The following DYRK4 variants were observed in gnomAD, a reference collection of about 807,000 sequenced individuals.
DYRK4 encodes the protein dual specificity tyrosine phosphorylation regulated kinase 4, also known as dual specificity tyrosine-phosphorylation-regulated kinase 4.
Under a neutral mutation model 68.3 loss-of-function variants are expected in DYRK4, and 64 were observed. That is an observed-to-expected ratio of 0.94 (90% CI 0.77 to 1.15). The LOEUF (loss-of-function observed/expected upper bound fraction) is 1.15, where lower values mean the gene tolerates loss of function less well. DYRK4 is among the 50% of genes most tolerant of loss of function. DYRK4 has a pLI of 0.00. For synonymous variants in DYRK4, 274 were observed against 289.9 expected (o/e 0.95, Z 0.56); for missense variants, 740 against 764.7 (o/e 0.97, Z 0.38).
intron 2 of DYRK4, among the ~76,000 whole-genome samples, chr12:4,583,242 A>G (rs1318558866): frequency 6.6e-6 from 1 of 151,764 alleles, no homozygotes; most frequent in African/African-American, 2.4e-5. Context: ...CTCAGCTTCT[A>G]CCCCTGCCTT....
chr12:4,591,293 CGGCAGG>C lies in DYRK4; in HGVS notation c.459_463+1del, dbSNP rs1478275738. 5.0e-6 allele frequency: 8 copies of C among 1,613,726 alleles called. No homozygotes were observed. The highest frequency in any genetic ancestry group is 6.8e-6 in the Non-Finnish European group (8 of 1,179,894). ...AAGAAGCAAAAGGTGACTCTGACAG[CGGCAGG>C]TATGCCTTTGGGGCAGTAGCAGGGT... On this transcript the variant is annotated splice_donor_variant and coding_sequence_variant, in exon 5 of 15. Transcript: ENST00000543431. LOFTEE classifies it high-confidence loss of function. This position sits in a 1 kb window ranked among gnomAD's most constrained non-coding sequence, Gnocchi z 4.1.
At position 4,596,288 on chromosome 12, in the gene DYRK4, G is replaced by A. The variant is rs777590086; in HGVS notation, c.764+3G>A. 27 of 1,614,078 alleles carry A rather than the reference G, an allele frequency of 1.7e-5. No individual in the cohort carries two copies. In the South Asian group the frequency reaches 2.5e-4, roughly 15 times the overall value. On this transcript the variant is annotated splice_donor_region_variant and intron_variant, in intron 7 of 14. Transcript: ENST00000543431. ...AAAATCATCAGGAACAAGAAGAGGT[G>A]TGGCTTGGGGATGACATAGGCCACA...
rs1591797380 is a variant in DYRK4, at chr12:4,591,114, G to C, written c.325-46G>C. The C allele has an allele frequency of 6.2e-7, 1 of 1,600,974 alleles. No homozygotes were observed. The highest frequency in any genetic ancestry group is 8.5e-7 in the Non-Finnish European group (1 of 1,173,378). On this transcript the variant is annotated intron_variant, in intron 4 of 14. Coordinates refer to ENST00000543431, the MANE Select transcript of DYRK4 (RefSeq NM_001394779.1). This position sits in a 1 kb window ranked among gnomAD's most constrained non-coding sequence, Gnocchi z 4.1. ...TAAATAAATGGTTTATGGCCCCCAG[G>C]AGAGTCCTAAGTAGTTATTTATTGC...
intron 2 of DYRK4, among the ~76,000 whole-genome samples, chr12:4,569,039 A>G (rs982645514): frequency 1.3e-5 from 2 of 152,106 alleles, no homozygotes; most frequent in African/African-American, 4.8e-5. Flanking sequence ...CCTCCTATAA[A>G]TCACATATAT....
At chr12:4,593,307 A>T in intron 6 of DYRK4, 142 bp downstream of exon 6, 1 of 932,270 alleles carries the variant, frequency 1.1e-6, no homozygotes, top group Non-Finnish European at 1.5e-6. Flanking sequence ...GGTAGTGCCA[A>T]ACCAAGGAAA....
intron 8 of DYRK4, chr12:4,597,105 A>G: frequency 9.2e-7 from 1 of 1,083,254 alleles, no homozygotes; most frequent in Non-Finnish European, 1.1e-6. Context: ...CTGAAACCCA[A>G]AGGAACAGGC....
At chr12:4,565,862 C>T (rs1591781531) in intron 1 of DYRK4, among the ~76,000 whole-genome samples, 1 of 152,266 alleles carries the variant, frequency 6.6e-6, no homozygotes, top group East Asian at 1.9e-4. Flanking sequence ...TTCCTGACCT[C>T]AGATGATCCA....
At chr12:4,566,985 C>G (rs1490427532) in intron 1 of DYRK4, among the ~76,000 whole-genome samples, 1 of 152,190 alleles carries the variant, frequency 6.6e-6, no homozygotes, top group Non-Finnish European at 1.5e-5. Context: ...TGTTTTTGCT[C>G]AATACATTAT....
At chr12:4,587,565 G>T (rs1160270371) in intron 2 of DYRK4, among the ~76,000 whole-genome samples, 1 of 152,160 alleles carries the variant, frequency 6.6e-6, no homozygotes, top group African/African-American at 2.4e-5. Flanking sequence ...ATGAGAAATT[G>T]AGACTCTGAG....
chr12:4,577,016 C>T (rs1005809274), intron 2 of DYRK4, among the ~76,000 whole-genome samples: 8 of 152,102 alleles, frequency 5.3e-5, no homozygotes, highest in Admixed American at 1.3e-4. Flanking sequence ...TGAAGCCCAG[C>T]GTATCCATTT....
At chr12:4,603,063 C>T in intron 10 of DYRK4, 1 of 1,164,364 alleles carries the variant, frequency 8.6e-7, no homozygotes, top group Admixed American at 2.0e-5. Flanking sequence ...ACTTCCTCAT[C>T]CTCTTCCTCC....
At chr12:4,581,930 C>G (rs1287627994) in intron 2 of DYRK4, among the ~76,000 whole-genome samples, 1 of 152,036 alleles carries the variant, frequency 6.6e-6, no homozygotes. Flanking sequence ...GGGATGGGAC[C>G]CAATTCTAAA....
chr12:4,596,086 C>T, intron 6 of DYRK4, 63 bp from the exon 7 acceptor site: 1 of 1,569,300 alleles, frequency 6.4e-7, no homozygotes, highest in South Asian at 1.1e-5. Context: ...ATGCCAGGGC[C>T]ATGTACCAGG....
At position 4,596,746 on chromosome 12, in the gene DYRK4, T is replaced by C. The variant is rs759222209; in HGVS notation, c.905+17T>C. The C allele has an allele frequency of 6.2e-7, 1 of 1,612,252 alleles. No individual in the cohort carries two copies. The highest frequency in any genetic ancestry group is 2.2e-5 in the East Asian group (1 of 44,880). On this transcript the variant is annotated intron_variant, in intron 8 of 14. Coordinates refer to ENST00000543431, the MANE Select transcript of DYRK4 (RefSeq NM_001394779.1). The stretch of plus-strand genomic sequence containing the variant: ...GCTCCTGGGGTCAGCTGCCTTTTCT[T>C]CTTAACTCATTTTCTCTGGAAAAGT...
intron 11 of DYRK4, among the ~76,000 whole-genome samples, chr12:4,606,542 T>C (rs1322063716): frequency 6.6e-6 from 1 of 152,252 alleles, no homozygotes; most frequent in Non-Finnish European, 1.5e-5. Flanking sequence ...GTCCTGGCTC[T>C]GTCTTTTTGA....
chr12:4,599,672 A>G (rs781072103), intron 9 of DYRK4, 35 bp from the exon 10 acceptor site: 4 of 1,555,734 alleles, frequency 2.6e-6, no homozygotes, highest in Non-Finnish European at 3.5e-6. Flanking sequence ...GGGCCGCATT[A>G]CTGTAGCTTG....
At chr12:4,574,600 A>T (rs1386855770) in intron 2 of DYRK4, among the ~76,000 whole-genome samples, 1 of 152,254 alleles carries the variant, frequency 6.6e-6, no homozygotes, top group Non-Finnish European at 1.5e-5. Flanking sequence ...CTGTTCTAGG[A>T]ACACTGGTTC....
intron 2 of DYRK4, among the ~76,000 whole-genome samples, chr12:4,585,340 G>A (rs1284334551): frequency 6.6e-6 from 1 of 152,186 alleles, no homozygotes; most frequent in East Asian, 1.9e-4. Flanking sequence ...CATGGAGAGA[G>A]TGCTGCTGCA....
intron 2 of DYRK4, among the ~76,000 whole-genome samples, chr12:4,581,612 A>G (rs1206077603): frequency 6.6e-6 from 1 of 152,214 alleles, no homozygotes; most frequent in African/African-American, 2.4e-5. Context: ...ATGAGGCTAG[A>G]ACAGGGCAAG....
Sources: allele counts gnomAD v4.1 joint callset (sites outside exome capture counted in the v4.1 genomes callset), GRCh38; gene constraint gnomAD v4.1.1; non-coding constraint Gnocchi (gnomAD v3.1); transcripts MANE v1.5; gene names NCBI Gene and HGNC (gene_info 2026-07-23, HGNC 2026-07-21).